The following LYPD8 variants were observed in gnomAD, a reference collection of about 807,000 sequenced individuals.
LYPD8 encodes the protein ly6/PLAUR domain-containing protein 8.
LYPD8 carries 8 observed loss-of-function variants against 1.7 expected under a neutral mutation model. The observed-to-expected ratio is 4.58, with a 90% CI of 2.69 to 8.27. The LOEUF (loss-of-function observed/expected upper bound fraction) is 8.27, where lower values mean the gene tolerates loss of function less well. Ranked by LOEUF, LYPD8 falls within the 30% of genes most tolerant of loss-of-function variation. LYPD8 has a pLI of 0.00. For missense variants in LYPD8, 112 were observed against 102.3 expected (o/e 1.09, Z -0.41); for synonymous variants, 50 against 43.6 (o/e 1.15, Z -0.58).
intron 6 of LYPD8, among the ~76,000 whole-genome samples, chr1:248,743,890 G>T (rs115945907): frequency 9.8e-5 from 15 of 152,362 alleles, no homozygotes; most frequent in African/African-American, 3.4e-4. Flanking sequence ...GGAGCGCATG[G>T]CCTGGACTCT....
chr1:248,753,091 C>CA, intron 2 of LYPD8, among the ~76,000 whole-genome samples: 1 of 116,016 alleles, frequency 8.6e-6, no homozygotes, highest in Admixed American at 8.5e-5. Flanking sequence ...CACCACACTA[C>CA]ACACACACCA....
At chr1:248,753,128 AAC>A (rs1230818336) in intron 2 of LYPD8, among the ~76,000 whole-genome samples, 1 of 92,576 alleles carries the variant, frequency 1.1e-5, no homozygotes, top group Non-Finnish European at 2.2e-5. Flanking sequence ...CACACAACAC[AAC>A]ACACACACCC....
chr1:248,744,292 G>A (rs1662682256), intron 6 of LYPD8, among the ~76,000 whole-genome samples: 2 of 152,226 alleles, frequency 1.3e-5, no homozygotes, highest in African/African-American at 4.8e-5. Flanking sequence ...GGCTTGAGAT[G>A]TCCACCCAAG....
chr1:248,753,419 CCACACACAA>C (rs1428663615), intron 2 of LYPD8, among the ~76,000 whole-genome samples: 19 of 104,282 alleles, frequency 1.8e-4, no homozygotes, highest in African/African-American at 3.4e-4. Context: ...ACACCACACA[CCACACACAA>C]CACACACAAC....
At chr1:248,753,114 AACAC>A (rs1662849965) in intron 2 of LYPD8, among the ~76,000 whole-genome samples, 2 of 75,564 alleles carry the variant, frequency 2.6e-5, no homozygotes, top group African/African-American at 4.3e-5. Context: ...CACCACACAC[AACAC>A]ACACAACACA....
Position 248,739,926 on chromosome 1 carries a change from C to T in LYPD8, c.476-77G>A. Reference sequence around the variant, plus strand: ...ACCCACGCCTGCTCTTAGTTCTTCACCTGCAGCACGGTGGCCCGGTGACCA... The same window carrying T: ...ACCCACGCCTGCTCTTAGTTCTTCATCTGCAGCACGGTGGCCCGGTGACCA... On this transcript the variant is annotated intron_variant, in intron 6 of 6. Coordinates refer to ENST00000590317, the MANE Select transcript of LYPD8 (RefSeq NM_001085474.2). This position sits in a 1 kb window ranked among gnomAD's most constrained non-coding sequence, Gnocchi z 4.3. 6.5e-7 allele frequency: 1 copy of T among 1,526,822 alleles called. No homozygotes were observed. Among genetic ancestry groups the T allele is most frequent in the East Asian group, 2.5e-5 (1 of 40,650 alleles). 94.6% of individuals were successfully genotyped at this position (1,526,822 alleles called of 1,614,324 possible).
At chr1:248,749,391 C>T (rs1244404723) in intron 4 of LYPD8, among the ~76,000 whole-genome samples, 1 of 152,134 alleles carries the variant, frequency 6.6e-6, no homozygotes, top group Non-Finnish European at 1.5e-5. Flanking sequence ...GGTATGATAA[C>T]AGTATGTGTC....
rs1662709474 is a variant in LYPD8, at chr1:248,745,203, C to T, written c.414G>A (p.Gly138=). The T allele has an allele frequency of 2.5e-6, 1 of 398,460 alleles. No homozygotes were observed. The highest frequency in any genetic ancestry group is 2.1e-5 in the African/African-American group (1 of 48,600). 24.7% of individuals were successfully genotyped at this position (398,460 alleles called of 1,614,324 possible). A position where few individuals can be genotyped will look rare whatever the true frequency, so the allele number is the denominator to read the frequency against. ...CTTCTTCATAGCATTTCCAGGGCTTCCCATGACAGGAAGTTCCATTAGATT... is the reference window on the plus strand; with the variant it reads ...CTTCTTCATAGCATTTCCAGGGCTTTCCATGACAGGAAGTTCCATTAGATT... ...CYESNGTSCH[G]KPWKCYEEEQ... The change falls in exon 6 of 7, where the codon GGG becomes GGA. Residue 138 remains glycine (G), a synonymous_variant. Transcript: ENST00000590317.
chr1:248,754,004 G>A (rs1662884292), intron 2 of LYPD8, among the ~76,000 whole-genome samples: 1 of 104,040 alleles, frequency 9.6e-6, no homozygotes, highest in African/African-American at 4.2e-5. Flanking sequence ...CATACACACT[G>A]CACATACACT....
At position 248,739,619 on chromosome 1, in the gene LYPD8, G is replaced by A; in HGVS notation, c.706C>T (p.Leu236=). The change falls in exon 7 of 7, where the codon CTG becomes TTG. Residue 236 remains leucine (L), a synonymous_variant. Coordinates refer to ENST00000590317, the MANE Select transcript of LYPD8 (RefSeq NM_001085474.2). This position sits in a 1 kb window ranked among gnomAD's most constrained non-coding sequence, Gnocchi z 4.3. ...ALASLLLRGL[L]P ...AGTGCAGCCCCAGGACCTCAGGGCA[G>A]CAGTCCCCGAAGAAGGAGGCTGGCA... 4 of 1,551,500 alleles carry A rather than the reference G, an allele frequency of 2.6e-6. No individual in the cohort carries two copies. Among genetic ancestry groups the A allele is most frequent in the Non-Finnish European group, 3.5e-6 (4 of 1,146,990 alleles).
Position 248,753,636 on chromosome 1 carries a change from C to CA in LYPD8, c.-50+1602_-50+1603insT, listed in dbSNP as rs1662873156. On this transcript the variant is annotated intron_variant, in intron 2 of 6. Coordinates refer to ENST00000590317, the MANE Select transcript of LYPD8 (RefSeq NM_001085474.2). ...CACCCCACACAACACACACAACACA[C>CA]CACACATATACATCACACACCACAC... Among the ~76,000 whole-genome samples, 239 of 134,014 alleles carry CA rather than the reference C, an allele frequency of 1.8e-3. 23 individuals carry two copies. Among genetic ancestry groups the CA allele is most frequent in the East Asian group, 5.7e-3 (22 of 3,834 alleles). 87.9% of individuals were successfully genotyped at this position (134,014 alleles called of 152,430 possible).
chr1:248,753,051 ACACACACCCCACACACCC>A (rs1364770344), intron 2 of LYPD8, among the ~76,000 whole-genome samples: 1 of 81,254 alleles, frequency 1.2e-5, no homozygotes. Context: ...CACACATCAC[ACACACACCCCACACACCC>A]CACACACCCC....
At chr1:248,748,174 C>G in intron 5 of LYPD8, 115 bp downstream of exon 5, 1 of 182,744 alleles carries the variant, frequency 5.5e-6, no homozygotes, top group Non-Finnish European at 8.7e-6. Flanking sequence ...CCCAGGGCAT[C>G]GCCCGCACGG....
chr1:248,753,362 ATCACAT>A (rs1662862756), intron 2 of LYPD8, among the ~76,000 whole-genome samples: 3 of 127,572 alleles, frequency 2.4e-5, no homozygotes, highest in African/African-American at 6.1e-5. Context: ...CAACACACAC[ATCACAT>A]ACACACCACA....
intron 5 of LYPD8, among the ~76,000 whole-genome samples, chr1:248,746,309 TG>T (rs1572154589): frequency 6.6e-6 from 1 of 152,324 alleles, no homozygotes; most frequent in East Asian, 1.9e-4. Flanking sequence ...TGAGAACTAC[TG>T]ACCGGAACTA....
intron 4 of LYPD8, among the ~76,000 whole-genome samples, chr1:248,749,706 A>G: frequency 6.6e-6 from 1 of 152,260 alleles, no homozygotes; most frequent in African/African-American, 2.4e-5. Context: ...TCTTAATACC[A>G]TCACGGTGGC....
At chr1:248,741,059 G>A (rs1340362880) in intron 6 of LYPD8, among the ~76,000 whole-genome samples, 1 of 152,226 alleles carries the variant, frequency 6.6e-6, no homozygotes, top group Non-Finnish European at 1.5e-5. Flanking sequence ...GCAGCAGTGA[G>A]TCAGTGATCG....
chr1:248,751,186 C>G (rs982498549), intron 2 of LYPD8, 56 bp from the exon 3 acceptor site: 2 of 398,016 alleles, frequency 5.0e-6, no homozygotes, highest in South Asian at 2.6e-4. Context: ...CTCTCATCCC[C>G]TGGGGCTTTT....
intron 6 of LYPD8, among the ~76,000 whole-genome samples, chr1:248,743,152 A>G (rs1553283703): frequency 6.6e-6 from 1 of 152,066 alleles, no homozygotes; most frequent in African/African-American, 2.4e-5. Flanking sequence ...AAAAATGTGT[A>G]TTTAAAAAAA....
Sources: allele counts gnomAD v4.1 joint callset (sites outside exome capture counted in the v4.1 genomes callset), GRCh38; gene constraint gnomAD v4.1.1; non-coding constraint Gnocchi (gnomAD v3.1); transcripts MANE v1.5; gene names NCBI Gene and HGNC (gene_info 2026-07-23, HGNC 2026-07-21).